Variants in MAGI2 observed in about 807,000 individuals in gnomAD.
MAGI2 encodes membrane-associated guanylate kinase, WW and PDZ domain-containing protein 2.
A neutral mutation model predicts 133.3 loss-of-function variants in MAGI2; 35 were observed. The observed-to-expected ratio is 0.26, with a 90% CI of 0.20 to 0.35. The LOEUF (loss-of-function observed/expected upper bound fraction) is 0.35, where lower values mean the gene tolerates loss of function less well. Ranked by LOEUF, MAGI2 falls within the 10% of genes least tolerant of loss-of-function variation. The probability of loss-of-function intolerance (pLI) is 1.00; values close to 1 mark genes in which losing one functional copy is unlikely to be tolerated. For missense variants in MAGI2, 1,636 were observed against 1,863.4 expected, an observed-to-expected ratio of 0.88 and a Z score of 2.25; for synonymous variants, 729 against 710.6, an observed-to-expected ratio of 1.03 and a Z score of -0.41.
At chr7:79,256,446 T>C (rs190353722) in intron 1 of MAGI2, among the ~76,000 whole-genome samples, 1 of 151,100 alleles carries the variant, frequency 6.6e-6, no homozygotes, top group Non-Finnish European at 1.5e-5. Context: ...TTTAAATAAA[T>C]GCTCAATTTC....
At chr7:79,285,713 C>T (rs1230611534) in intron 1 of MAGI2, among the ~76,000 whole-genome samples, 2 of 152,064 alleles carry the variant, frequency 1.3e-5, no homozygotes, top group Non-Finnish European at 2.9e-5. Flanking sequence ...AAAGGATACA[C>T]TCACAAACCA....
At chr7:79,194,379 T>C (rs1827911059) in intron 1 of MAGI2, among the ~76,000 whole-genome samples, 1 of 151,974 alleles carries the variant, frequency 6.6e-6, no homozygotes, top group South Asian at 2.1e-4. Flanking sequence ...AGTTTTTTCA[T>C]TTAGTGATTA....
intron 2 of MAGI2, among the ~76,000 whole-genome samples, chr7:78,844,872 CCTGAGGTGGCTATG>C (rs1792458177): frequency 1.3e-5 from 2 of 151,730 alleles, no homozygotes; most frequent in African/African-American, 4.8e-5. Flanking sequence ...CCAATAAATA[CCTGAGGTGGCTATG>C]CTGAAAGAAG....
At chr7:78,410,131 C>T (rs182181981) in intron 6 of MAGI2, among the ~76,000 whole-genome samples, 6,543 of 151,916 alleles carry the variant, frequency 0.043, 449 homozygotes, top group African/African-American at 0.15. Flanking sequence ...TTTGTGCTCT[C>T]ACATCATGTT....
intron 2 of MAGI2, among the ~76,000 whole-genome samples, chr7:78,683,945 CA>C (rs1457976601): frequency 2.6e-5 from 4 of 152,262 alleles, no homozygotes; most frequent in South Asian, 4.1e-4. Flanking sequence ...GTTAAACTTA[CA>C]GATAATTTTA....
chr7:78,728,790 C>A (rs1430903764), intron 2 of MAGI2, among the ~76,000 whole-genome samples: 1 of 125,954 alleles, frequency 7.9e-6, no homozygotes, highest in Admixed American at 8.7e-5. Context: ...TGGTCTCGAT[C>A]TCCTGACCTC....
chr7:78,668,157 T>G (rs1469017463), intron 2 of MAGI2, among the ~76,000 whole-genome samples: 1 of 152,190 alleles, frequency 6.6e-6, no homozygotes, highest in East Asian at 1.9e-4. Context: ...TGGTGAGCAT[T>G]TTTTCACGTG....
chr7:79,178,776 T>G (rs962827319), intron 1 of MAGI2, among the ~76,000 whole-genome samples: 2 of 151,820 alleles, frequency 1.3e-5, no homozygotes, highest in Non-Finnish European at 2.9e-5. Flanking sequence ...TCAAATTAAT[T>G]TTTTTTGTTA....
intron 2 of MAGI2, among the ~76,000 whole-genome samples, chr7:78,932,473 T>C (rs1800209851): frequency 6.6e-6 from 1 of 151,702 alleles, no homozygotes; most frequent in Admixed American, 6.6e-5. Context: ...ATCATTGAAG[T>C]TCTGTACTGA....
At chr7:78,878,541 T>C (rs1795601755) in intron 2 of MAGI2, among the ~76,000 whole-genome samples, 1 of 152,234 alleles carries the variant, frequency 6.6e-6, no homozygotes, top group African/African-American at 2.4e-5. Context: ...GTTTCAATGG[T>C]AGATATAGAA....
intron 20 of MAGI2, among the ~76,000 whole-genome samples, chr7:78,094,383 C>T (rs1817517448): frequency 6.6e-6 from 1 of 152,150 alleles, no homozygotes; most frequent in African/African-American, 2.4e-5. Flanking sequence ...GTGATACTCC[C>T]TCAAACCTGC....
intron 1 of MAGI2, among the ~76,000 whole-genome samples, chr7:79,202,365 T>C (rs1250670848): frequency 1.3e-5 from 2 of 151,974 alleles, no homozygotes; most frequent in African/African-American, 4.8e-5. Context: ...ATTTAATGTT[T>C]GGCTTTTCAC....
intron 1 of MAGI2, among the ~76,000 whole-genome samples, chr7:79,250,040 A>G (rs1207532655): frequency 6.6e-6 from 1 of 152,146 alleles, no homozygotes; most frequent in Non-Finnish European, 1.5e-5. Flanking sequence ...CAAAAACCAT[A>G]TGATCATTTC....
At chr7:79,421,303 A>G (rs1400054520) in intron 1 of MAGI2, among the ~76,000 whole-genome samples, 2 of 151,584 alleles carry the variant, frequency 1.3e-5, no homozygotes, top group Non-Finnish European at 2.9e-5. Flanking sequence ...CCATTGTGTT[A>G]TTGGTCTTTA....
In MAGI2 at chr7:79,291,994, A is replaced by C. The variant is rs557716851; in HGVS notation, c.301+161026T>G. Among the ~76,000 whole-genome samples the C allele has an allele frequency of 7.9e-5, 12 of 152,216 alleles. No homozygotes were observed. The East Asian group carries it at 2.3e-3, about 29-fold the overall frequency. On this transcript the variant is annotated intron_variant, in intron 1 of 21. Coordinates refer to ENST00000354212, the MANE Select transcript of MAGI2 (RefSeq NM_012301.4). Reference sequence around the variant, plus strand: ...AGAAATTTTTTGTTTGCCTAATCCAAAGACTTATTCCTATGTTTTCTTCCA... The same window carrying C: ...AGAAATTTTTTGTTTGCCTAATCCACAGACTTATTCCTATGTTTTCTTCCA...
chr7:78,091,777 T>C (rs775267943), intron 20 of MAGI2, among the ~76,000 whole-genome samples: 1 of 152,230 alleles, frequency 6.6e-6, no homozygotes, highest in African/African-American at 2.4e-5. Context: ...TTTACTTGGT[T>C]CAGAGATAAA....
At chr7:78,483,304 G>A (rs1302679863) in intron 6 of MAGI2, among the ~76,000 whole-genome samples, 4 of 151,816 alleles carry the variant, frequency 2.6e-5, no homozygotes, top group South Asian at 4.2e-4. Flanking sequence ...TATGCATTGA[G>A]GAGAAATGAT....
chr7:79,377,675 G>C (rs1482337422), intron 1 of MAGI2, among the ~76,000 whole-genome samples: 1 of 151,806 alleles, frequency 6.6e-6, no homozygotes, highest in Non-Finnish European at 1.5e-5. Flanking sequence ...CAATGTAACA[G>C]CAACATCAAT....
intron 2 of MAGI2, among the ~76,000 whole-genome samples, chr7:78,867,085 G>C (rs1466974693): frequency 6.7e-6 from 1 of 149,830 alleles, no homozygotes; most frequent in Non-Finnish European, 1.5e-5. Flanking sequence ...CTTTTACACT[G>C]TTGGTGGGAC....
Sources: allele counts gnomAD v4.1 joint callset (sites outside exome capture counted in the v4.1 genomes callset), GRCh38; gene constraint gnomAD v4.1.1; transcripts MANE v1.5; gene names NCBI Gene and HGNC (gene_info 2026-07-23, HGNC 2026-07-21).